The following SLC8A1 variants were observed in gnomAD, a reference collection of about 807,000 sequenced individuals.
SLC8A1 encodes solute carrier family 8 member A1.
In SLC8A1, 18 loss-of-function variants were observed where a neutral mutation model predicts 68.3. The ratio of observed to expected loss-of-function variants is 0.26; its 90% CI spans 0.18 to 0.39. The LOEUF is 0.39. Among genes scored for constraint, SLC8A1 ranks in the 10% least tolerant of loss-of-function variants. SLC8A1 has a pLI of 1.00. For missense variants in SLC8A1, 985 were observed against 1,156.7 expected, an observed-to-expected ratio of 0.85 and a Z score of 2.15; for synonymous variants, 475 against 415.5, an observed-to-expected ratio of 1.14 and a Z score of -1.74.
intron 2 of SLC8A1, among the ~76,000 whole-genome samples, chr2:40,195,235 TCTGGAAGAA>T (rs1259437053): frequency 6.6e-6 from 1 of 152,106 alleles, no homozygotes; most frequent in African/African-American, 2.4e-5. Context: ...TTTCTGAGTA[TCTGGAAGAA>T]CACATGTGAT....
chr2:40,294,319 T>C (rs2069911376), intron 2 of SLC8A1, among the ~76,000 whole-genome samples: 1 of 152,088 alleles, frequency 6.6e-6, no homozygotes, highest in Non-Finnish European at 1.5e-5. Context: ...TCTAAAGCAC[T>C]TTTCACATAA....
At chr2:40,254,070 G>A (rs1197570649) in intron 2 of SLC8A1, among the ~76,000 whole-genome samples, 3 of 151,898 alleles carry the variant, frequency 2.0e-5, no homozygotes, top group Admixed American at 2.0e-4. Flanking sequence ...TTGAGATGAC[G>A]GATATTCTAA....
chr2:40,316,124 G>A (rs1032603333), intron 2 of SLC8A1, among the ~76,000 whole-genome samples: 4 of 152,070 alleles, frequency 2.6e-5, no homozygotes, highest in African/African-American at 9.7e-5. Context: ...CACTGACATA[G>A]TATACATGGT....
chr2:40,449,889 AT>A (rs558126372), intron 1 of SLC8A1, among the ~76,000 whole-genome samples: 1 of 152,068 alleles, frequency 6.6e-6, no homozygotes, highest in Admixed American at 6.6e-5. Context: ...GGAATTAATC[AT>A]TTTTTTAAAA....
chr2:40,198,044 G>A (rs192280945), intron 2 of SLC8A1, among the ~76,000 whole-genome samples: 1 of 152,104 alleles, frequency 6.6e-6, no homozygotes, highest in African/African-American at 2.4e-5. Flanking sequence ...GACCAGATGA[G>A]GAACAGCAGA....
At chr2:40,450,584 C>T (rs1204969289) in intron 1 of SLC8A1, among the ~76,000 whole-genome samples, 1 of 152,208 alleles carries the variant, frequency 6.6e-6, no homozygotes, top group Non-Finnish European at 1.5e-5. Context: ...GATCAGGACG[C>T]TTGTACTGTC....
intron 6 of SLC8A1, among the ~76,000 whole-genome samples, chr2:40,159,148 C>T (rs2045190824): frequency 6.6e-6 from 1 of 152,160 alleles, no homozygotes. Flanking sequence ...ATTGCAGACT[C>T]TATACGTATT....
intron 2 of SLC8A1, among the ~76,000 whole-genome samples, chr2:40,212,877 T>G (rs1462060194): frequency 6.6e-6 from 1 of 152,044 alleles, no homozygotes; most frequent in Admixed American, 6.6e-5. Context: ...TATGTGTAGA[T>G]TCATAAATTT....
intron 1 of SLC8A1, among the ~76,000 whole-genome samples, chr2:40,461,919 A>C (rs1314048645): frequency 6.6e-6 from 1 of 151,764 alleles, no homozygotes; most frequent in African/African-American, 2.4e-5. Context: ...ACAGTACTTG[A>C]CATTATAAGA....
chr2:40,170,163 C>A lies in SLC8A1; in HGVS notation c.1930+4662G>T, dbSNP rs1265014104. 4 of 872,100 alleles carry A rather than the reference C, an allele frequency of 4.6e-6. No individual in the cohort carries two copies. In the African/African-American group the frequency reaches 5.0e-5, roughly 11 times the overall value. The allele number at this position is 872,100 out of a possible 1,614,324, so 54.0% of individuals were successfully genotyped here. On this transcript the variant is annotated intron_variant, in intron 4 of 7. Coordinates refer to ENST00000406785, the Ensembl canonical transcript of SLC8A1. The stretch of plus-strand genomic sequence containing the variant: ...GTACCACTGGCTGCCAGAGAAGCTG[C>A]AGCATTATTTAGCAATGTTTTACAG...
intron 2 of SLC8A1, among the ~76,000 whole-genome samples, chr2:40,362,188 C>G (rs1160905220): frequency 1.3e-5 from 2 of 151,706 alleles, no homozygotes; most frequent in Non-Finnish European, 1.5e-5. Context: ...AGCCACTGCG[C>G]CTGGCCTACA....
exon 8 of SLC8A1, chr2:40,115,562 C>T (rs192452025): frequency 1.9e-5 from 30 of 1,613,848 alleles, no homozygotes; most frequent in Middle Eastern, 1.7e-4. Flanking sequence ...CGTTGCTGCC[C>T]GTGACGTTAC....
chr2:40,288,244 A>T (rs189441664), intron 2 of SLC8A1, among the ~76,000 whole-genome samples: 1 of 152,314 alleles, frequency 6.6e-6, no homozygotes, highest in African/African-American at 2.4e-5. Context: ...GAAACTTTAA[A>T]ATCAACTTTT....
intron 1 of SLC8A1, among the ~76,000 whole-genome samples, chr2:40,511,586 T>G (rs1180962783): frequency 6.6e-6 from 1 of 152,190 alleles, no homozygotes; most frequent in Non-Finnish European, 1.5e-5. Context: ...CACAGAATTT[T>G]TGATATTCTG....
intron 1 of SLC8A1, among the ~76,000 whole-genome samples, chr2:40,509,393 T>G (rs953854204): frequency 6.6e-6 from 1 of 151,272 alleles, no homozygotes; most frequent in Admixed American, 6.6e-5. Flanking sequence ...CAGGGACCAC[T>G]CAGTGTCTCC....
In SLC8A1 at chr2:40,200,252, A is replaced by ATT. The variant is rs2054087150; in HGVS notation, c.1809-22398_1809-22397insAA. ...TATATATATATAAATATATATATAT[A>ATT]TATATATATATATATAACCTCTTTT... On this transcript the variant is annotated intron_variant, in intron 2 of 7. Coordinates refer to ENST00000406785, the Ensembl canonical transcript of SLC8A1. 3.7e-4 allele frequency among the ~76,000 whole-genome samples: 24 copies of ATT among 64,164 alleles called. 1 individual carries two copies. The highest frequency in any genetic ancestry group is 8.2e-4 in the African/African-American group (13 of 15,870). The allele number at this position is 64,164 out of a possible 152,430, so 42.1% of individuals were successfully genotyped here. A position where few individuals can be genotyped will look rare whatever the true frequency, so the allele number is the denominator to read the frequency against.
chr2:40,117,543 C>A (rs764706348), intron 7 of SLC8A1, among the ~76,000 whole-genome samples: 13 of 141,330 alleles, frequency 9.2e-5, no homozygotes, highest in South Asian at 2.3e-4. Context: ...CCAGCCTGGG[C>A]AACAGAGTGA....
At chr2:40,429,128 C>A in exon 2 of SLC8A1, 1 of 1,613,106 alleles carries the variant, frequency 6.2e-7, no homozygotes, top group Non-Finnish European at 8.5e-7. Context: ...CTTGCTTGGT[C>A]AGCTGCATGC....
In SLC8A1 at chr2:40,432,167, G is replaced by C. The variant is rs146660253; in HGVS notation, c.-24-1863C>G. ...TGGAAGATCTAGTTCCAACTCCCTT[G>C]TGTATCCATTTCATCCACAATATTT... On this transcript the variant is annotated intron_variant, in intron 1 of 7. Coordinates refer to ENST00000406785, the Ensembl canonical transcript of SLC8A1. Among the ~76,000 whole-genome samples, 271 of 151,970 alleles carry C rather than the reference G, an allele frequency of 1.8e-3. 2 individuals are homozygous for C. The East Asian group carries it at 0.037, about 21-fold the overall frequency.
Sources: gnomAD v4.1 joint callset for allele counts (sites outside exome capture counted in the v4.1 genomes callset) on GRCh38, gnomAD v4.1.1 for gene constraint, MANE v1.5 for transcripts, NCBI Gene and HGNC (gene_info 2026-07-23, HGNC 2026-07-21) for gene names.